Variants in RAD51AP2 observed in about 807,000 individuals in gnomAD.
RAD51AP2 encodes RAD51-associated protein 2.
Under a neutral mutation model 85.5 loss-of-function variants are expected in RAD51AP2, and 67 were observed. The ratio of observed to expected loss-of-function variants is 0.78; its 90% CI spans 0.64 to 0.96. The LOEUF (loss-of-function observed/expected upper bound fraction) is 0.96. RAD51AP2 is among the 40% of genes least tolerant of loss of function. RAD51AP2 has a pLI of 0.00. For synonymous variants in RAD51AP2, 474 were observed against 446.5 expected (o/e 1.06, Z -0.78); for missense variants, 1,307 against 1,332.4 (o/e 0.98, Z 0.30).
chr2:17,511,415 G>A (rs1372413098), intron 2 of RAD51AP2, among the ~76,000 whole-genome samples: 2 of 152,116 alleles, frequency 1.3e-5, no homozygotes, highest in Non-Finnish European at 2.9e-5. Flanking sequence ...CATCAATAGA[G>A]GGCTCTGAGT....
chr2:17,515,419 A>C lies in RAD51AP2; in HGVS notation c.2997T>G (p.Asn999Lys). 6.2e-7 allele frequency: 1 copy of C among 1,612,502 alleles called. No individual in the cohort carries two copies. The highest frequency in any genetic ancestry group is 8.5e-7 in the Non-Finnish European group (1 of 1,179,662). The change falls in exon 1 of 3, where the codon AAT (asparagine) becomes AAG (lysine). Residue 999 changes from asparagine to lysine, a missense_variant. Asn to Lys is a moderately conservative substitution (Grantham distance 94). Transcript: ENST00000399080. ...TCTCAGCATCATTTTCTCCAAAGTA[A>C]TTTTCTTGCCCATTGTTTGTTTCCA... The part of the protein sequence containing the change: ...STVETNNGQE[N>K]YFGENDAEKV...
chr2:17,528,178 T>C, the RAD51AP2 span, among the ~76,000 whole-genome samples: 130 of 152,358 alleles, frequency 8.5e-4, no homozygotes, highest in African/African-American at 3.0e-3. Context: ...CCTGCTTTAA[T>C]GTAGTCTCAT....
At position 17,516,122 on chromosome 2, in the gene RAD51AP2, A is replaced by G; in HGVS notation, c.2294T>C (p.Met765Thr). 6.2e-7 allele frequency: 1 copy of G among 1,612,306 alleles called. No individual in the cohort carries two copies. Among genetic ancestry groups the G allele is most frequent in the Admixed American group, 1.7e-5 (1 of 59,740 alleles). The change falls in exon 1 of 3, where the codon ATG becomes ACG. Residue 765 changes from methionine to threonine, a missense_variant. Met to Thr is a moderately conservative substitution (Grantham distance 81, BLOSUM62 -1). Coordinates refer to ENST00000399080, the MANE Select transcript of RAD51AP2 (RefSeq NM_001099218.3). ...EVNMHSQDLNMERKQGHNKIS... is the reference protein window; with the variant it reads ...EVNMHSQDLNTERKQGHNKIS... Reference sequence around the variant, plus strand: ...CTTATTATGTCCCTGTTTTCTTTCCATATTTAAATCTTGGCTGTGCATATT... The same window carrying G: ...CTTATTATGTCCCTGTTTTCTTTCCGTATTTAAATCTTGGCTGTGCATATT...
At position 17,515,247 on chromosome 2, in the gene RAD51AP2, C is replaced by T; in HGVS notation, c.3169G>A (p.Gly1057Arg). 1.2e-6 allele frequency: 2 copies of T among 1,612,558 alleles called. No individual in the cohort carries two copies. The highest frequency in any genetic ancestry group is 2.2e-5 in the East Asian group (1 of 44,798). ...CTCTCATTAGGAACTTCCTGTTCTC[C>T]ATTATTGGGTACAGTTTTCCATTTA... Reference protein sequence around the residue: ...LFKWKTVPNNGEQEVPNESCY... With the variant: ...LFKWKTVPNNREQEVPNESCY... The change falls in exon 1 of 3, where the codon GGA becomes AGA. Residue 1057 changes from glycine to arginine, a missense_variant. Physicochemically the swap from Gly to Arg is moderately radical, Grantham distance 125. This residue lies in a region of RAD51AP2 where 668 missense variants were observed against 671.0 expected (regional missense o/e 1.00). Coordinates refer to ENST00000399080, the MANE Select transcript of RAD51AP2 (RefSeq NM_001099218.3).
chr2:17,536,944 T>G, the RAD51AP2 span, among the ~76,000 whole-genome samples: 1 of 152,214 alleles, frequency 6.6e-6, no homozygotes, highest in South Asian at 2.1e-4. Flanking sequence ...AGGGCTGTAT[T>G]CTAAGAGATA....
the RAD51AP2 span, among the ~76,000 whole-genome samples, chr2:17,527,251 AAG>A: frequency 1.3e-5 from 2 of 152,174 alleles, no homozygotes; most frequent in African/African-American, 4.8e-5. Context: ...ATGAAAGAAA[AAG>A]AGAGGAAAGG....
chr2:17,518,679 C>T (rs1307740143), upstream of RAD51AP2, among the ~76,000 whole-genome samples: 1 of 151,030 alleles, frequency 6.6e-6, no homozygotes, highest in Non-Finnish European at 1.5e-5. Context: ...TGGGCCGTTA[C>T]ATTGTCTATT....
chr2:17,510,746 T>C lies in RAD51AP2; in HGVS notation c.*58A>G. 1 of 1,249,230 alleles carries C rather than the reference T, an allele frequency of 8.0e-7. No homozygotes were observed. Among genetic ancestry groups the C allele is most frequent in the Non-Finnish European group, 1.1e-6 (1 of 920,262 alleles). 77.4% of individuals were successfully genotyped at this position (1,249,230 alleles called of 1,614,324 possible). A position where few individuals can be genotyped will look rare whatever the true frequency, so the allele number is the denominator to read the frequency against. On this transcript the variant is annotated 3_prime_UTR_variant, in exon 3 of 3. Transcript: ENST00000399080. ...CCCAAACCCCCAAGCTGGAAGAACA[T>C]ATATCCAAAGAAAACAAAACATTTC... is the stretch of plus-strand genomic sequence containing the variant.
rs1285260402 is a variant in RAD51AP2 at position 17,516,702 on chromosome 2, C to T, written c.1714G>A (p.Val572Ile). ...GILSIYLQDS[V>I]SEPLDILLKT... ...AATAGAATATCTAAAGGTTCTGAAA[C>T]ACTATCTTGTAAATATATGCTTAAA... The change falls in exon 1 of 3, where the codon GTT (valine) becomes ATT (isoleucine). Residue 572 changes from valine (V) to isoleucine (I), a missense_variant. By Grantham distance (29) the Val-to-Ile change is conservative (BLOSUM62 3). Transcript: ENST00000399080. 8.2e-6 allele frequency: 13 copies of T among 1,576,226 alleles called. No homozygotes were observed. Among genetic ancestry groups the T allele is most frequent in the Non-Finnish European group, 1.0e-5 (12 of 1,158,876 alleles).
chr2:17,516,882 CT>C lies in RAD51AP2; in HGVS notation c.1533del (p.Ile511MetfsTer20), dbSNP rs773686203. On this transcript the variant is annotated frameshift_variant, in exon 1 of 3. Coordinates refer to ENST00000399080, the MANE Select transcript of RAD51AP2 (RefSeq NM_001099218.3). LOFTEE classifies it high-confidence loss of function. ...ATACTTTTATGGAAATAAAAAATTT[CT>C]ATAATGAAACTTTCAAAAGGGTTGT... ...HVNNPFESFI[I>X]EIFYFHKSIS... 4.3e-5 allele frequency: 67 copies of C among 1,568,382 alleles called. No homozygotes were observed. The highest frequency in any genetic ancestry group is 4.8e-5 in the Non-Finnish European group (55 of 1,157,798).
chr2:17,515,464 T>C lies in RAD51AP2; in HGVS notation c.2952A>G (p.Glu984=). The C allele has an allele frequency of 6.2e-7, 1 of 1,613,556 alleles. No homozygotes were observed. The highest frequency in any genetic ancestry group is 8.5e-7 in the Non-Finnish European group (1 of 1,179,818). ...ELRMFHEISR[E]NELLSTVETN... ...TTTCCACAGTGCTTAGAAGTTCATT[T>C]TCCCTACTAATTTCATGAAACATAC... Residue 984 remains glutamate, a synonymous_variant, in exon 1 of 3, where the codon GAA becomes GAG. Transcript: ENST00000399080.
At chr2:17,537,151 T>C in the RAD51AP2 span, among the ~76,000 whole-genome samples, 1 of 152,062 alleles carries the variant, frequency 6.6e-6, no homozygotes, top group African/African-American at 2.4e-5. Context: ...AAGACACCTG[T>C]TTCTACAAAA....
At chr2:17,534,313 T>C in the RAD51AP2 span, among the ~76,000 whole-genome samples, 1 of 152,220 alleles carries the variant, frequency 6.6e-6, no homozygotes, top group Non-Finnish European at 1.5e-5. Context: ...CTTCTAGTAG[T>C]GTATGTAATG....
rs747386974 is a variant in RAD51AP2, at chr2:17,510,839, G to A, written c.3445C>T (p.Gln1149Ter). 7.5e-6 allele frequency: 12 copies of A among 1,595,204 alleles called. No homozygotes were observed. Among genetic ancestry groups the A allele is most frequent in the Non-Finnish European group, 1.0e-5 (12 of 1,170,186 alleles). ...TCTTTTAAGTTTCCGTAACACATTTGTTTCAGATAAGGATGAAGTTGTTTA... is the reference window on the plus strand; with the variant it reads ...TCTTTTAAGTTTCCGTAACACATTTATTTCAGATAAGGATGAAGTTGTTTA... ...RIKQLHPYLK[Q>*]MCYGNLKENF The change falls in exon 3 of 3, where the codon CAA (glutamine) becomes TAA (stop). Residue 1149 changes from glutamine (Q) to a stop codon, truncating the protein, a stop_gained. Transcript: ENST00000399080. LOFTEE classifies it low-confidence loss of function (END_TRUNC).
At chr2:17,520,715 C>T (rs1662839440), upstream of RAD51AP2, among the ~76,000 whole-genome samples, 1 of 151,712 alleles carries the variant, frequency 6.6e-6, no homozygotes, top group Non-Finnish European at 1.5e-5. Context: ...CATAGTATGT[C>T]ACATCCTCAC....
At chr2:17,522,207 C>T (rs1012156770), upstream of RAD51AP2, among the ~76,000 whole-genome samples, 1 of 152,100 alleles carries the variant, frequency 6.6e-6, no homozygotes, top group Non-Finnish European at 1.5e-5. Flanking sequence ...CCTCATAGTT[C>T]AGTTCTAAAC....
chr2:17,536,598 A>G, the RAD51AP2 span, among the ~76,000 whole-genome samples: 6 of 152,218 alleles, frequency 3.9e-5, no homozygotes, highest in Admixed American at 3.3e-4. Flanking sequence ...TTTCACGGTG[A>G]TTCATCTGGC....
rs563234423 is a variant in RAD51AP2, at chr2:17,516,733, A to G, written c.1683T>C (p.Asn561=). ...CTTGTAAATATATGCTTAAAATTCC[A>G]TTCTTTATATTTGTATTCATGTTTC... ...ITRNMNTNIK[N]GILSIYLQDS... The change falls in exon 1 of 3, where the codon AAT becomes AAC. Residue 561 remains asparagine (N), a synonymous_variant. Coordinates refer to ENST00000399080, the MANE Select transcript of RAD51AP2 (RefSeq NM_001099218.3). The G allele has an allele frequency of 7.6e-6, 12 of 1,572,646 alleles. No individual in the cohort carries two copies. The highest frequency in any genetic ancestry group is 1.7e-4 in the Middle Eastern group (1 of 5,862).
At chr2:17,513,981 A>G (rs1357179570) in intron 2 of RAD51AP2, 31 bp downstream of exon 2, 1 of 1,107,654 alleles carries the variant, frequency 9.0e-7, no homozygotes, top group Non-Finnish European at 1.4e-6. Flanking sequence ...ATCATCTTAG[A>G]AGTTATCCTA....
Sources: gnomAD v4.1 joint callset for allele counts (sites outside exome capture counted in the v4.1 genomes callset) on GRCh38, gnomAD v4.1.1 for gene constraint, gnomAD v4.1.1 regional missense constraint, MANE v1.5 for transcripts, NCBI Gene and HGNC (gene_info 2026-07-23, HGNC 2026-07-21) for gene names.